The following ZFHX3 variants were observed in gnomAD, a reference collection of about 807,000 sequenced individuals.
ZFHX3 encodes zinc finger homeobox protein 3.
Under a neutral mutation model 279.1 loss-of-function variants are expected in ZFHX3, and 42 were observed. That is an observed-to-expected ratio of 0.15 (90% CI 0.12 to 0.19). ZFHX3 has a LOEUF of 0.19. Among genes scored for constraint, ZFHX3 ranks in the 10% least tolerant of loss-of-function variants. ZFHX3 has a pLI of 1.00. For missense variants in ZFHX3, 4,981 were observed against 4,754.0 expected, an observed-to-expected ratio of 1.05 and a Z score of -1.40; for synonymous variants, 2,293 against 1,957.8, an observed-to-expected ratio of 1.17 and a Z score of -4.52.
chr16:73,216,442 G>T (rs950105464), intron 5 of ZFHX3, among the ~76,000 whole-genome samples: 2 of 152,200 alleles, frequency 1.3e-5, no homozygotes, highest in Admixed American at 1.3e-4. Context: ...AACAGTACTT[G>T]TCAAACTGGA....
At chr16:73,663,969 G>C (rs1490713600) in intron 2 of ZFHX3, among the ~76,000 whole-genome samples, 1 of 152,048 alleles carries the variant, frequency 6.6e-6, no homozygotes, top group Non-Finnish European at 1.5e-5. Context: ...AGGAACTTTG[G>C]GGAACACCAC....
intron 3 of ZFHX3, among the ~76,000 whole-genome samples, chr16:73,342,131 A>G (rs1272070004): frequency 6.6e-6 from 1 of 152,236 alleles, no homozygotes; most frequent in African/African-American, 2.4e-5. Context: ...TTTCTCACCT[A>G]TTAGACTCAT....
At chr16:73,849,201 T>C (rs1331278613) in intron 1 of ZFHX3, among the ~76,000 whole-genome samples, 1 of 152,204 alleles carries the variant, frequency 6.6e-6, no homozygotes. Context: ...GCGGGCCCCA[T>C]GGTGTGTGAC....
intron 1 of ZFHX3, among the ~76,000 whole-genome samples, chr16:73,776,040 C>G (rs1186627060): frequency 6.6e-6 from 1 of 152,172 alleles, no homozygotes; most frequent in African/African-American, 2.4e-5. Flanking sequence ...TCCTGCAGAC[C>G]TGACTTAACA....
At chr16:73,687,195 C>A (rs2053097617) in intron 1 of ZFHX3, among the ~76,000 whole-genome samples, 1 of 149,588 alleles carries the variant, frequency 6.7e-6, no homozygotes. Context: ...TTGAGACCAG[C>A]CTGGGCAACA....
At chr16:73,013,289 T>TTAG (rs1292522159) in intron 1 of ZFHX3, among the ~76,000 whole-genome samples, 2 of 152,160 alleles carry the variant, frequency 1.3e-5, no homozygotes, top group African/African-American at 4.8e-5. Flanking sequence ...CTTTATTTTT[T>TTAG]TATTATTATT....
Position 73,055,698 on chromosome 16 carries a change from GCA to G in ZFHX3, c.-24+2830_-24+2831del, listed in dbSNP as rs71156135. Among the ~76,000 whole-genome samples, 118 of 109,472 alleles carry G rather than the reference GCA, an allele frequency of 1.1e-3. 1 individual carries two copies. Among genetic ancestry groups the G allele is most frequent in the South Asian group, 3.7e-3 (14 of 3,756 alleles). The allele number at this position is 109,472 out of a possible 152,430, so 71.8% of individuals were successfully genotyped here. A position where few individuals can be genotyped will look rare whatever the true frequency, so the allele number is the denominator to read the frequency against. ...GACGTACGCGCGCGCGCGCGCGCGC[GCA>G]CACACACACACACACACACACATAC... On this transcript the variant is annotated intron_variant, in intron 1 of 8. Transcript: ENST00000397992.
At chr16:73,347,099 C>T (rs1015967067) in intron 3 of ZFHX3, among the ~76,000 whole-genome samples, 2 of 152,144 alleles carry the variant, frequency 1.3e-5, no homozygotes, top group Admixed American at 6.5e-5. Flanking sequence ...GATGCCAGAG[C>T]CATATAGAAG....
At chr16:73,548,354 T>A (rs1009319717) in intron 2 of ZFHX3, among the ~76,000 whole-genome samples, 1 of 152,340 alleles carries the variant, frequency 6.6e-6, no homozygotes, top group South Asian at 2.1e-4. Flanking sequence ...CTTCTTTAGT[T>A]CTTGCAACAG....
chr16:73,283,209 C>A (rs1179504320), intron 4 of ZFHX3, among the ~76,000 whole-genome samples: 1 of 152,140 alleles, frequency 6.6e-6, no homozygotes, highest in African/African-American at 2.4e-5. Context: ...TGCTTTCCGG[C>A]AACTGTTTAC....
intron 2 of ZFHX3, among the ~76,000 whole-genome samples, chr16:73,625,280 C>T (rs2052404373): frequency 6.6e-6 from 1 of 152,108 alleles, no homozygotes. Context: ...TCTGATAATT[C>T]AGAATAATAA....
At chr16:73,478,059 T>G (rs972434266) in intron 2 of ZFHX3, among the ~76,000 whole-genome samples, 1 of 151,818 alleles carries the variant, frequency 6.6e-6, no homozygotes, top group East Asian at 1.9e-4. Context: ...GATCACGAGG[T>G]CAAGAGATCG....
At chr16:73,363,311 G>T (rs2016466686) in intron 3 of ZFHX3, among the ~76,000 whole-genome samples, 1 of 152,212 alleles carries the variant, frequency 6.6e-6, no homozygotes, top group Non-Finnish European at 1.5e-5. Flanking sequence ...GAGTTTTGGG[G>T]TGGTTTGTTA....
chr16:73,018,467 C>T (rs113311374), intron 1 of ZFHX3, among the ~76,000 whole-genome samples: 22,125 of 152,030 alleles, frequency 0.15, 2,057 homozygotes, highest in Admixed American at 0.28. Flanking sequence ...ATTACCTGGG[C>T]ATTAGCCTGT....
chr16:73,822,068 T>C (rs542078785), intron 1 of ZFHX3, among the ~76,000 whole-genome samples: 2 of 152,170 alleles, frequency 1.3e-5, no homozygotes, highest in Non-Finnish European at 2.9e-5. Flanking sequence ...CAATCTTCAG[T>C]CACATAGAAA....
intron 7 of ZFHX3, among the ~76,000 whole-genome samples, chr16:73,125,779 CATATATATATATGTGTGTATATATGTAT>C (rs763079526): frequency 2.6e-5 from 4 of 151,076 alleles, no homozygotes; most frequent in Admixed American, 1.3e-4. Flanking sequence ...AATAAACTCC[CATATATATATATGTGTGTATATATGTAT>C]ATATATATGC....
Position 72,795,176 on chromosome 16 carries a change from G to A in ZFHX3, c.7506C>T (p.Ser2502=). Residue 2502 remains serine (S), a synonymous_variant, in exon 9 of 10, where the codon TCC becomes TCT. Coordinates refer to ENST00000268489, the MANE Select transcript of ZFHX3 (RefSeq NM_006885.4). ...GCTTGAGGGGCAGGTGGGAGAGCTGGGAAGGACTGGGGCTCGACTGGGGTA... is the reference window on the plus strand; with the variant it reads ...GCTTGAGGGGCAGGTGGGAGAGCTGAGAAGGACTGGGGCTCGACTGGGGTA... ...CPLPQSSPSP[S]QLSHLPLKPL... 6.2e-7 allele frequency: 1 copy of A among 1,609,888 alleles called. No homozygotes were observed. Among genetic ancestry groups the A allele is most frequent in the Non-Finnish European group, 8.5e-7 (1 of 1,177,610 alleles).
intron 1 of ZFHX3, among the ~76,000 whole-genome samples, chr16:73,731,640 T>C (rs2053570551): frequency 2.4e-5 from 1 of 42,420 alleles, no homozygotes; most frequent in East Asian, 7.2e-4. Flanking sequence ...ACCAATGATG[T>C]TCGGGGTGAA....
intron 3 of ZFHX3, among the ~76,000 whole-genome samples, chr16:72,901,582 T>C (rs1181347994): frequency 6.6e-6 from 1 of 152,148 alleles, no homozygotes; most frequent in Non-Finnish European, 1.5e-5. Context: ...TCCCTCTAAA[T>C]CAACACTTCT....
Sources: allele counts gnomAD v4.1 joint callset (sites outside exome capture counted in the v4.1 genomes callset), GRCh38; gene constraint gnomAD v4.1.1; transcripts MANE v1.5; gene names NCBI Gene and HGNC (gene_info 2026-07-23, HGNC 2026-07-21).